NFKBIL1: variants seen among roughly 807,000 people sequenced by gnomAD.
NFKBIL1 encodes the protein NFKB inhibitor like 1, also known as NF-kappa-B inhibitor-like protein 1.
Under a neutral mutation model 45.4 loss-of-function variants are expected in NFKBIL1, and 30 were observed. The observed-to-expected ratio is 0.66, with a 90% CI of 0.49 to 0.90. The LOEUF is 0.90. Among genes scored for constraint, NFKBIL1 ranks in the 40% least tolerant of loss-of-function variants. The pLI is 0.00. For missense variants in NFKBIL1, 434 were observed against 513.4 expected (o/e 0.85, Z 1.49); for synonymous variants, 179 against 197.3 (o/e 0.91, Z 0.78).
rs1056784218 is a variant in NFKBIL1 at position 31,557,269 on chromosome 6, G to A, written c.335-359G>A. Among the ~76,000 whole-genome samples the A allele has an allele frequency of 6.6e-6, 1 of 152,026 alleles. No individual in the cohort carries two copies. The highest frequency in any genetic ancestry group is 1.5e-5 in the Non-Finnish European group (1 of 68,006). On this transcript the variant is annotated intron_variant, in intron 2 of 3. Coordinates refer to ENST00000376148, the MANE Select transcript of NFKBIL1 (RefSeq NM_005007.4). This position sits in a 1 kb window ranked among gnomAD's most constrained non-coding sequence, Gnocchi z 5.4. ...ACTGCAGGCGCCCGCCACCAGGCCT[G>A]GCTAATTTTTTGTATTTTTTAGTAG... is the stretch of plus-strand genomic sequence containing the variant.
In NFKBIL1 at chr6:31,547,739, A is replaced by G. The variant is rs1230727102; in HGVS notation, c.45A>G (p.Thr15=). 3 of 1,611,564 alleles carry G rather than the reference A, an allele frequency of 1.9e-6. No individual in the cohort carries two copies. Among genetic ancestry groups the G allele is most frequent in the Non-Finnish European group, 1.7e-6 (2 of 1,178,876 alleles). ...SPQVPEEEAS[T]SVCRPKSSMA... ...AGGTTCCAGAGGAAGAAGCCTCCAC[A>G]TCTGTCTGCCGGGTACATGATATTC... The change falls in exon 1 of 4, where the codon ACA becomes ACG. Residue 15 remains threonine, a synonymous_variant. Transcript: ENST00000376148.
Position 31,548,413 on chromosome 6 carries a change from A to G in NFKBIL1, c.308A>G (p.His103Arg). Residue 103 changes from histidine (H) to arginine (R), a missense_variant, in exon 2 of 4, where the codon CAT becomes CGT. By Grantham distance (29) the His-to-Arg change is conservative (BLOSUM62 0). This residue lies in a region of NFKBIL1 where 231 missense variants were observed against 264.1 expected (regional missense o/e 0.87). Transcript: ENST00000376148. ...HQDRHGDTALHAAARQGPDAY... is the reference protein window; with the variant it reads ...HQDRHGDTALRAAARQGPDAY... ...GACCGCCATGGGGACACGGCACTGC[A>G]TGCTGCTGCCCGCCAGGGCCCAGAT... is the stretch of plus-strand genomic sequence containing the variant. 1 of 1,517,876 alleles carries G rather than the reference A, an allele frequency of 6.6e-7. No homozygotes were observed. The allele number at this position is 1,517,876 out of a possible 1,614,324, so 94.0% of individuals were successfully genotyped here. A position where few individuals can be genotyped will look rare whatever the true frequency, so the allele number is the denominator to read the frequency against.
At chr6:31,554,066 G>C (rs1345810841) in intron 2 of NFKBIL1, among the ~76,000 whole-genome samples, 1 of 152,200 alleles carries the variant, frequency 6.6e-6, no homozygotes, top group Non-Finnish European at 1.5e-5. Flanking sequence ...TAAGAGTGAA[G>C]TGAAATAAAA....
rs779783017 is a variant in NFKBIL1 at position 31,558,040 on chromosome 6, C to T, written c.575C>T (p.Thr192Ile). ...GRFEGDASHE[T>I]QEPESFSAWS... is the part of the protein sequence containing the mutation. ...CAAACAGGTGATGCCTCCCATGAAA[C>T]CCAGGAACCTGAGTCCTTCTCAGCC... is the stretch of plus-strand genomic sequence containing the variant. Residue 192 changes from threonine to isoleucine, a missense_variant, in exon 4 of 4, where the codon ACC (threonine) becomes ATC (isoleucine). By Grantham distance (89) the Thr-to-Ile change is moderately conservative. Transcript: ENST00000376148. The surrounding 1 kb of genome is among the most constrained non-coding windows in gnomAD (Gnocchi z 7.2). The T allele has an allele frequency of 2.7e-6, 3 of 1,115,380 alleles. No individual in the cohort carries two copies. Among genetic ancestry groups the T allele is most frequent in the Non-Finnish European group, 2.5e-6 (2 of 797,214 alleles). 69.1% of individuals were successfully genotyped at this position (1,115,380 alleles called of 1,614,324 possible). A position where few individuals can be genotyped will look rare whatever the true frequency, so the allele number is the denominator to read the frequency against.
intron 2 of NFKBIL1, among the ~76,000 whole-genome samples, chr6:31,553,848 A>G (rs1365999700): frequency 6.6e-6 from 1 of 152,034 alleles, no homozygotes; most frequent in Non-Finnish European, 1.5e-5. Context: ...TTTTTAGTGG[A>G]GACGGGGTTT....
intron 2 of NFKBIL1, among the ~76,000 whole-genome samples, chr6:31,551,496 C>T (rs1325029707): frequency 6.6e-6 from 1 of 152,222 alleles, no homozygotes; most frequent in Non-Finnish European, 1.5e-5. Flanking sequence ...CCCTGGTGTC[C>T]TCTCTGGCCT....
At chr6:31,547,781 T>G in intron 1 of NFKBIL1, 30 bp downstream of exon 1, 1 of 1,557,904 alleles carries the variant, frequency 6.4e-7, no homozygotes, top group Admixed American at 1.7e-5. Flanking sequence ...TAGATCATTA[T>G]TGGAGATTAT....
At position 31,558,152 on chromosome 6, in the gene NFKBIL1, T is replaced by A; in HGVS notation, c.687T>A (p.Ala229=). The A allele has an allele frequency of 6.2e-7, 1 of 1,611,546 alleles. No homozygotes were observed. Among genetic ancestry groups the A allele is most frequent in the South Asian group, 1.1e-5 (1 of 90,772 alleles). The part of the protein sequence containing the change: ...EAEGSRRPPR[A]EGSSQSWRQQ... ...AGGGATCCCGTCGACCCCCACGTGC[T>A]GAGGGCTCCAGCCAGAGCTGGCGAC... Residue 229 remains alanine (A), a synonymous_variant, in exon 4 of 4, where the codon GCT becomes GCA. Coordinates refer to ENST00000376148, the MANE Select transcript of NFKBIL1 (RefSeq NM_005007.4). The surrounding 1 kb of genome is among the most constrained non-coding windows in gnomAD (Gnocchi z 7.2).
At chr6:31,548,786 C>G (rs894137034) in intron 2 of NFKBIL1, among the ~76,000 whole-genome samples, 2 of 152,202 alleles carry the variant, frequency 1.3e-5, no homozygotes, top group African/African-American at 4.8e-5. Context: ...AATCCCAGCT[C>G]CACACTTCAT....
intron 2 of NFKBIL1, among the ~76,000 whole-genome samples, chr6:31,549,511 C>CA (rs1378187929): frequency 2.7e-5 from 4 of 150,282 alleles, no homozygotes; most frequent in African/African-American, 9.8e-5. Context: ...CTCAGCCTCT[C>CA]AAAGTGCTGG....
rs1368653714 is a variant in NFKBIL1, at chr6:31,557,263, A to C, written c.335-365A>C. ...GCTGGGACTGCAGGCGCCCGCCACC[A>C]GGCCTGGCTAATTTTTTGTATTTTT... On this transcript the variant is annotated intron_variant, in intron 2 of 3. Coordinates refer to ENST00000376148, the MANE Select transcript of NFKBIL1 (RefSeq NM_005007.4). This position sits in a 1 kb window ranked among gnomAD's most constrained non-coding sequence, Gnocchi z 5.4. 3.3e-5 allele frequency among the ~76,000 whole-genome samples: 5 copies of C among 151,760 alleles called. No homozygotes were observed.
At position 31,547,726 on chromosome 6, in the gene NFKBIL1, A is replaced by G; in HGVS notation, c.32A>G (p.Glu11Gly). The G allele has an allele frequency of 6.2e-7, 1 of 1,612,344 alleles. No homozygotes were observed. Among genetic ancestry groups the G allele is most frequent in the Non-Finnish European group, 8.5e-7 (1 of 1,179,552 alleles). Residue 11 changes from glutamate (E) to glycine (G), a missense_variant, in exon 1 of 4, where the codon GAA becomes GGA. Around this residue, in one of 4 missense-constraint regions of NFKBIL1, gnomAD observed 231 missense variants for 264.1 expected, o/e 0.87. Transcript: ENST00000376148. Reference protein sequence around the residue: MSNPSPQVPEEEASTSVCRPK... With the variant: MSNPSPQVPEGEASTSVCRPK... ...AACCCCTCCCCCCAGGTTCCAGAGGAAGAAGCCTCCACATCTGTCTGCCGG... is the reference window on the plus strand; with the variant it reads ...AACCCCTCCCCCCAGGTTCCAGAGGGAGAAGCCTCCACATCTGTCTGCCGG...
chr6:31,551,583 A>G (rs936791018), intron 2 of NFKBIL1, among the ~76,000 whole-genome samples: 1 of 151,744 alleles, frequency 6.6e-6, no homozygotes, highest in African/African-American at 2.4e-5. Flanking sequence ...CATCTCATTC[A>G]GCTTCCAGCT....
chr6:31,554,195 A>G (rs1769590158), intron 2 of NFKBIL1, among the ~76,000 whole-genome samples: 2 of 152,200 alleles, frequency 1.3e-5, no homozygotes, highest in African/African-American at 2.4e-5. Flanking sequence ...CACTTGAGCC[A>G]GGAGTTCAAG....
chr6:31,550,665 G>T (rs771975940), intron 2 of NFKBIL1, among the ~76,000 whole-genome samples: 1 of 151,992 alleles, frequency 6.6e-6, no homozygotes, highest in South Asian at 2.1e-4. Flanking sequence ...AATTTGCCTC[G>T]CAAAAATGGG....
rs144672859 is a variant in NFKBIL1 at position 31,548,971 on chromosome 6, C to T, written c.334+532C>T. 2.3e-3 allele frequency among the ~76,000 whole-genome samples: 345 copies of T among 152,290 alleles called. 4 individuals are homozygous for T. Among genetic ancestry groups the T allele is most frequent in the Middle Eastern group, 0.014 (4 of 294 alleles). ...ATCCCCCATTTCCCAGCTGAGGAAACAGGGCATAGAGAAGTCATTTGCCAG... is the reference window on the plus strand; with the variant it reads ...ATCCCCCATTTCCCAGCTGAGGAAATAGGGCATAGAGAAGTCATTTGCCAG... On this transcript the variant is annotated intron_variant, in intron 2 of 3. Coordinates refer to ENST00000376148, the MANE Select transcript of NFKBIL1 (RefSeq NM_005007.4).
rs985707008 is a variant in NFKBIL1, at chr6:31,557,584, T to A, written c.335-44T>A. The stretch of plus-strand genomic sequence containing the variant: ...TCAAGATGGCAGCTCTGCCGAGGAG[T>A]GGGAGTCCCAGCTAACTTCTGCTCC... On this transcript the variant is annotated intron_variant, in intron 2 of 3. Coordinates refer to ENST00000376148, the MANE Select transcript of NFKBIL1 (RefSeq NM_005007.4). The surrounding 1 kb of genome is among the most constrained non-coding windows in gnomAD (Gnocchi z 5.4). 1.4e-6 allele frequency: 2 copies of A among 1,420,792 alleles called. No individual in the cohort carries two copies. Among genetic ancestry groups the A allele is most frequent in the Admixed American group, 4.8e-5 (2 of 41,444 alleles). The allele number at this position is 1,420,792 out of a possible 1,614,324, so 88.0% of individuals were successfully genotyped here.
chr6:31,557,804 G>C lies in NFKBIL1; in HGVS notation c.511G>C (p.Gly171Arg), dbSNP rs1220967851. The change falls in exon 3 of 4, where the codon GGT becomes CGT. Residue 171 changes from glycine (G) to arginine (R), a missense_variant. Gly to Arg is a moderately radical substitution (Grantham distance 125). Coordinates refer to ENST00000376148, the MANE Select transcript of NFKBIL1 (RefSeq NM_005007.4). The surrounding 1 kb of genome is among the most constrained non-coding windows in gnomAD (Gnocchi z 5.4). ...KEREWRQKLQ[G>R]ELEDEWQEVM... is the part of the protein sequence containing the mutation. ...GCGGGAATGGAGACAGAAGCTCCAG[G>C]GTGAGCTGGAGGACGAGTGGCAGGA... is the stretch of plus-strand genomic sequence containing the variant. 5 of 1,609,882 alleles carry C rather than the reference G, an allele frequency of 3.1e-6. No homozygotes were observed. The highest frequency in any genetic ancestry group is 3.4e-6 in the Non-Finnish European group (4 of 1,177,040).
At chr6:31,552,622 C>T (rs996877933) in intron 2 of NFKBIL1, among the ~76,000 whole-genome samples, 3 of 149,494 alleles carry the variant, frequency 2.0e-5, no homozygotes, top group Non-Finnish European at 3.0e-5. Context: ...TAGTATGAAA[C>T]TCCAGCGTAT....
Sources: allele counts gnomAD v4.1 joint callset (sites outside exome capture counted in the v4.1 genomes callset), GRCh38; gene constraint gnomAD v4.1.1; regional missense constraint gnomAD v4.1.1; non-coding constraint Gnocchi (gnomAD v3.1); transcripts MANE v1.5; gene names NCBI Gene and HGNC (gene_info 2026-07-23, HGNC 2026-07-21).